RASGRF2: variants seen among roughly 807,000 people sequenced by gnomAD.
RASGRF2 encodes the protein Ras protein specific guanine nucleotide releasing factor 2.
In RASGRF2, 76 loss-of-function variants were observed where a neutral mutation model predicts 151.0. The observed-to-expected ratio is 0.50, with a 90% confidence interval of 0.42 to 0.61. The LOEUF is 0.61. RASGRF2 is among the 20% of genes least tolerant of loss of function. The pLI is 0.00. For synonymous variants in RASGRF2, 504 were observed against 566.5 expected, an observed-to-expected ratio of 0.89 and a Z score of 1.57; for missense variants, 1,148 against 1,564.6, an observed-to-expected ratio of 0.73 and a Z score of 4.49.
chr5:81,067,649 G>A (rs530477678), intron 2 of RASGRF2, among the ~76,000 whole-genome samples: 4 of 152,092 alleles, frequency 2.6e-5, no homozygotes, highest in African/African-American at 7.2e-5. Context: ...TATCTTACTC[G>A]GTGAAATATT....
chr5:81,086,434 T>A (rs1218799592), intron 8 of RASGRF2, among the ~76,000 whole-genome samples: 1 of 152,204 alleles, frequency 6.6e-6, no homozygotes, highest in Non-Finnish European at 1.5e-5. Context: ...TGACTTTTCA[T>A]TGTTACAAGC....
rs191639858 is a variant in RASGRF2, at chr5:81,144,143, C to T, written c.2686+16980C>T. Among the ~76,000 whole-genome samples, 525 of 152,196 alleles carry T rather than the reference C, an allele frequency of 3.4e-3. 1 individual carries two copies. The highest frequency in any genetic ancestry group is 6.0e-3 in the Non-Finnish European group (408 of 68,004). On this transcript the variant is annotated intron_variant, in intron 17 of 26. Transcript: ENST00000265080. ...TTGTGATTATGTAAAATTTCATCAGCCTCATACATTAAAAGGATGTGACAA... is the reference window on the plus strand; with the variant it reads ...TTGTGATTATGTAAAATTTCATCAGTCTCATACATTAAAAGGATGTGACAA...
intron 17 of RASGRF2, among the ~76,000 whole-genome samples, chr5:81,170,814 G>A (rs1754641929): frequency 6.6e-6 from 1 of 152,034 alleles, no homozygotes; most frequent in Non-Finnish European, 1.5e-5. Context: ...CCTCCCAGTA[G>A]AACATAGGTT....
Position 81,094,871 on chromosome 5 carries a change from A to G in RASGRF2, c.1634A>G (p.Gln545Arg), listed in dbSNP as rs757046921. Residue 545 changes from glutamine to arginine, a missense_variant, in exon 12 of 27, where the codon CAA becomes CGA. Physicochemically the swap from Gln to Arg is conservative, Grantham distance 43. This residue lies in a region of RASGRF2 where 646 missense variants were observed against 807.4 expected (regional missense o/e 0.80). Coordinates refer to ENST00000265080, the MANE Select transcript of RASGRF2 (RefSeq NM_006909.3). ...ASDDDSKGSG[Q>R]VFGHLDFKIV... is the part of the protein sequence containing the mutation. ...TGTGTTCAAGCTAAAGGTTCTGGGC[A>G]AGTGTTTGGGCACCTGGATTTTAAA... The G allele has an allele frequency of 2.5e-6, 4 of 1,603,344 alleles. No individual in the cohort carries two copies. The highest frequency in any genetic ancestry group is 3.4e-6 in the Non-Finnish European group (4 of 1,171,338).
chr5:81,106,844 C>T (rs966336482), intron 12 of RASGRF2, among the ~76,000 whole-genome samples: 3 of 152,082 alleles, frequency 2.0e-5, no homozygotes, highest in Admixed American at 6.5e-5. Flanking sequence ...CTGATGCTCA[C>T]GACTTACACG....
At chr5:81,108,834 CTG>C (rs10606038) in intron 12 of RASGRF2, among the ~76,000 whole-genome samples, 160 bp from the exon 13 acceptor site, 11,374 of 139,584 alleles carry the variant, frequency 0.081, 364 homozygotes, top group African/African-American at 0.11. Flanking sequence ...TTTACCTACT[CTG>C]TGTGTGTGTG....
intron 2 of RASGRF2, among the ~76,000 whole-genome samples, chr5:81,046,599 A>T (rs1750843810): frequency 6.6e-6 from 1 of 152,014 alleles, no homozygotes. Context: ...AGTTGAGGCC[A>T]GAGCCTTTTC....
At chr5:81,196,497 C>T (rs527692313) in intron 18 of RASGRF2, among the ~76,000 whole-genome samples, 100 of 152,296 alleles carry the variant, frequency 6.6e-4, no homozygotes, top group Non-Finnish European at 1.1e-3. Context: ...TCATTAAGTC[C>T]TTCAAAGGTC....
Position 80,969,488 on chromosome 5 carries a change from A to G in RASGRF2, c.288+8462A>G, listed in dbSNP as rs557152577. 7.3e-3 allele frequency among the ~76,000 whole-genome samples: 1,068 copies of G among 146,728 alleles called. 15 individuals carry two copies. The highest frequency in any genetic ancestry group is 0.025 in the African/African-American group (996 of 39,366). On this transcript the variant is annotated intron_variant, in intron 1 of 26. Transcript: ENST00000265080. ...TTTTGAGACAGAGTCTCACTCTGTC[A>G]CCCACGCTGGAGTGCAGTGGCGCGA...
intron 2 of RASGRF2, among the ~76,000 whole-genome samples, chr5:81,051,695 G>C (rs1030475420): frequency 2.0e-5 from 3 of 152,070 alleles, no homozygotes; most frequent in Non-Finnish European, 4.4e-5. Context: ...CCACTGTATG[G>C]ATATACCACA....
In RASGRF2 at chr5:81,104,372, G is replaced by A. The variant is rs189991397; in HGVS notation, c.1756-4624G>A. Among the ~76,000 whole-genome samples the A allele has an allele frequency of 5.9e-5, 9 of 151,850 alleles. No homozygotes were observed. In the East Asian group the frequency reaches 9.7e-4, roughly 16 times the overall value. The stretch of plus-strand genomic sequence containing the variant: ...TTTCTAACTATAAAGTCCTATATTC[G>A]TGAAGAGAGAGAGATGAGAAAAAAT... On this transcript the variant is annotated intron_variant, in intron 12 of 26. Transcript: ENST00000265080.
chr5:81,222,262 A>C (rs1035223559), intron 26 of RASGRF2, among the ~76,000 whole-genome samples: 1 of 151,818 alleles, frequency 6.6e-6, no homozygotes, highest in African/African-American at 2.4e-5. Context: ...GATGCCCCCA[A>C]CTCTATTCTA....
chr5:81,023,797 T>G (rs1749913093), intron 1 of RASGRF2, among the ~76,000 whole-genome samples: 1 of 152,206 alleles, frequency 6.6e-6, no homozygotes, highest in African/African-American at 2.4e-5. Context: ...GTTCATTAAG[T>G]GTTTCCTCTC....
intron 2 of RASGRF2, among the ~76,000 whole-genome samples, chr5:81,057,697 T>TA (rs1243747066): frequency 3.3e-5 from 5 of 152,022 alleles, no homozygotes; most frequent in Non-Finnish European, 7.4e-5. Flanking sequence ...ATGAGGACAT[T>TA]AAAAAACCTC....
intron 1 of RASGRF2, chr5:80,998,103 G>C (rs1377659698): frequency 2.6e-5 from 4 of 152,176 alleles, no homozygotes; most frequent in African/African-American, 9.7e-5. Flanking sequence ...AGGGCTTTGA[G>C]TGACCAGAAC....
chr5:81,160,712 T>TAATAATAAG (rs1754364492), intron 17 of RASGRF2, among the ~76,000 whole-genome samples: 1 of 147,980 alleles, frequency 6.8e-6, no homozygotes, highest in Non-Finnish European at 1.5e-5. Flanking sequence ...ATAATAATAA[T>TAATAATAAG]AATAATAAGT....
intron 17 of RASGRF2, among the ~76,000 whole-genome samples, chr5:81,165,749 T>C (rs1036675504): frequency 6.6e-6 from 1 of 152,146 alleles, no homozygotes; most frequent in Non-Finnish European, 1.5e-5. Flanking sequence ...CTTTGACTCA[T>C]CTCCAGAGGT....
At chr5:80,989,164 T>C (rs1748569749) in intron 1 of RASGRF2, among the ~76,000 whole-genome samples, 1 of 152,012 alleles carries the variant, frequency 6.6e-6, no homozygotes, top group South Asian at 2.1e-4. Context: ...AGAGATGGGG[T>C]TTCTCCATGT....
chr5:81,141,573 T>C (rs529350436), intron 17 of RASGRF2, among the ~76,000 whole-genome samples: 66 of 152,332 alleles, frequency 4.3e-4, no homozygotes, highest in African/African-American at 1.6e-3. Context: ...CTCTAATCCA[T>C]ATTAACTTCA....
Sources: allele counts gnomAD v4.1 joint callset (sites outside exome capture counted in the v4.1 genomes callset), GRCh38; gene constraint gnomAD v4.1.1; regional missense constraint gnomAD v4.1.1; transcripts MANE v1.5; gene names NCBI Gene and HGNC (gene_info 2026-07-23, HGNC 2026-07-21).